The following ASIC2 variants were observed in gnomAD, a reference collection of about 807,000 sequenced individuals.
ASIC2 encodes acid sensing ion channel subunit 2.
ASIC2 carries 25 observed loss-of-function variants against 57.3 expected under a neutral mutation model. The observed-to-expected ratio is 0.44, with a 90% CI of 0.32 to 0.61. The LOEUF (loss-of-function observed/expected upper bound fraction) is 0.61, where lower values mean the gene tolerates loss of function less well. ASIC2 is among the 20% of genes least tolerant of loss of function. The pLI is 0.06. For missense variants in ASIC2, 641 were observed against 738.1 expected (o/e 0.87, Z 1.52); for synonymous variants, 319 against 307.5 (o/e 1.04, Z -0.39).
At chr17:33,986,298 A>C (rs1277988781) in intron 1 of ASIC2, among the ~76,000 whole-genome samples, 1 of 151,698 alleles carries the variant, frequency 6.6e-6, no homozygotes, top group African/African-American at 2.4e-5. Context: ...AATTGGGCAG[A>C]TGTCCAAAGT....
chr17:33,487,438 C>T (rs1368387860), intron 1 of ASIC2, among the ~76,000 whole-genome samples: 2 of 152,176 alleles, frequency 1.3e-5, no homozygotes, highest in Non-Finnish European at 2.9e-5. Context: ...TGACTTTCAA[C>T]CCTGGCCCTT....
chr17:33,802,412 G>A (rs574720989), intron 1 of ASIC2, among the ~76,000 whole-genome samples: 25 of 152,292 alleles, frequency 1.6e-4, no homozygotes, highest in African/African-American at 6.0e-4. Flanking sequence ...GTTGTTAAGC[G>A]ATGTGTGGCT....
chr17:33,872,226 G>A (rs146221036), intron 1 of ASIC2, among the ~76,000 whole-genome samples: 43 of 152,268 alleles, frequency 2.8e-4, no homozygotes, highest in African/African-American at 1.0e-3. Flanking sequence ...TGAGCCTGAA[G>A]CAAGGAGTGG....
At chr17:33,691,283 T>G (rs1408542219) in intron 1 of ASIC2, among the ~76,000 whole-genome samples, 5 of 152,346 alleles carry the variant, frequency 3.3e-5, no homozygotes, top group Non-Finnish European at 7.4e-5. Context: ...CGTATAATTT[T>G]GATGGAAATT....
chr17:33,867,326 G>C (rs992763523), intron 1 of ASIC2, among the ~76,000 whole-genome samples: 5 of 152,170 alleles, frequency 3.3e-5, no homozygotes, highest in Non-Finnish European at 7.4e-5. Context: ...TAATGCACCA[G>C]GATCTTCACG....
intron 1 of ASIC2, among the ~76,000 whole-genome samples, chr17:34,097,095 A>G (rs2142094373): frequency 6.6e-6 from 1 of 152,266 alleles, no homozygotes; most frequent in Admixed American, 6.5e-5. Flanking sequence ...AGAGAAGGAC[A>G]GCATGGAAGA....
intron 1 of ASIC2, among the ~76,000 whole-genome samples, chr17:33,420,165 C>A (rs996673764): frequency 6.6e-6 from 1 of 152,204 alleles, no homozygotes; most frequent in African/African-American, 2.4e-5. Flanking sequence ...CGTCTGCTAG[C>A]TGCTGAGCTT....
intron 3 of ASIC2, among the ~76,000 whole-genome samples, chr17:33,082,607 G>A (rs1241303785): frequency 2.0e-5 from 3 of 152,102 alleles, no homozygotes; most frequent in Non-Finnish European, 4.4e-5. Context: ...GCTGAGGCAC[G>A]AGATTTGCTT....
intron 1 of ASIC2, among the ~76,000 whole-genome samples, chr17:33,331,321 C>T (rs925450552): frequency 5.9e-5 from 9 of 152,278 alleles, no homozygotes; most frequent in Middle Eastern, 3.4e-3. Flanking sequence ...AAAGTAGACG[C>T]TATTACTAAC....
intron 1 of ASIC2, among the ~76,000 whole-genome samples, chr17:33,346,061 T>A (rs1308824751): frequency 6.6e-6 from 1 of 151,778 alleles, no homozygotes; most frequent in Non-Finnish European, 1.5e-5. Context: ...ACCCCATCTT[T>A]ACTAAAAATA....
chr17:33,853,280 T>A (rs1314383135), intron 1 of ASIC2, among the ~76,000 whole-genome samples: 1 of 152,122 alleles, frequency 6.6e-6, no homozygotes, highest in Non-Finnish European at 1.5e-5. Context: ...TAGAGATTCC[T>A]TTTAGCAAAG....
chr17:33,588,037 C>G (rs1334676863), intron 1 of ASIC2, among the ~76,000 whole-genome samples: 1 of 152,180 alleles, frequency 6.6e-6, no homozygotes, highest in East Asian at 1.9e-4. Flanking sequence ...GTAAAATGTT[C>G]CCAATTCTAT....
At chr17:33,895,166 AT>A (rs11387427) in intron 1 of ASIC2, among the ~76,000 whole-genome samples, 2,053 of 143,866 alleles carry the variant, frequency 0.014, 36 homozygotes, top group African/African-American at 0.04. Flanking sequence ...TTTTTTTGCT[AT>A]TTTTTTTTTT....
At chr17:33,480,343 G>T (rs1913362439) in intron 1 of ASIC2, among the ~76,000 whole-genome samples, 1 of 152,270 alleles carries the variant, frequency 6.6e-6, no homozygotes, top group African/African-American at 2.4e-5. Flanking sequence ...TGGAGGGGTG[G>T]GGCTCAGTCT....
intron 1 of ASIC2, among the ~76,000 whole-genome samples, chr17:33,470,479 CTT>C (rs56907049): frequency 0.17 from 25,855 of 152,012 alleles, 2,408 homozygotes; most frequent in African/African-American, 0.25. Flanking sequence ...TCCTGGAGAT[CTT>C]GTTAAAATAC....
At chr17:33,048,523 C>G (rs1241157319) in intron 3 of ASIC2, among the ~76,000 whole-genome samples, 1 of 152,222 alleles carries the variant, frequency 6.6e-6, no homozygotes, top group Non-Finnish European at 1.5e-5. Flanking sequence ...GGCTTAATTT[C>G]TGGATGGGCC....
At chr17:33,621,787 CTAATTAGATCTT>C (rs1380666119) in intron 1 of ASIC2, among the ~76,000 whole-genome samples, 2 of 152,172 alleles carry the variant, frequency 1.3e-5, no homozygotes, top group African/African-American at 4.8e-5. Context: ...TGATCTTCTA[CTAATTAGATCTT>C]CTACTAAATT....
At chr17:34,149,148 C>A (rs1904419734) in intron 1 of ASIC2, among the ~76,000 whole-genome samples, 1 of 141,962 alleles carries the variant, frequency 7.0e-6, no homozygotes, top group Non-Finnish European at 1.5e-5. Context: ...GCTCTGTTGC[C>A]CAGGCTGGAG....
chr17:33,865,776 A>AC (rs1914221709), intron 1 of ASIC2, among the ~76,000 whole-genome samples: 2 of 96,750 alleles, frequency 2.1e-5, no homozygotes, highest in Admixed American at 2.0e-4. Flanking sequence ...AAAAAACAAA[A>AC]AAAAAAACGT....
Sources: allele counts gnomAD v4.1 joint callset (sites outside exome capture counted in the v4.1 genomes callset), GRCh38; gene constraint gnomAD v4.1.1; transcripts MANE v1.5; gene names NCBI Gene and HGNC (gene_info 2026-07-23, HGNC 2026-07-21).